PLXNA4: variants seen among roughly 807,000 people sequenced by gnomAD.
PLXNA4 encodes plexin-A4.
A neutral mutation model predicts 191.8 loss-of-function variants in PLXNA4; 44 were observed. That is an observed-to-expected ratio of 0.23 (90% confidence interval 0.18 to 0.29). The LOEUF (loss-of-function observed/expected upper bound fraction) is 0.29, where lower values mean the gene tolerates loss of function less well. PLXNA4 is among the 10% of genes least tolerant of loss of function. The pLI is 1.00. For missense variants in PLXNA4, 1,800 were observed against 2,488.8 expected, an observed-to-expected ratio of 0.72 and a Z score of 5.89; for synonymous variants, 1,082 against 1,009.5, an observed-to-expected ratio of 1.07 and a Z score of -1.36.
At chr7:132,580,909 G>A (rs1802390552), upstream of PLXNA4, among the ~76,000 whole-genome samples, 1 of 152,146 alleles carries the variant, frequency 6.6e-6, no homozygotes, top group Non-Finnish European at 1.5e-5. Flanking sequence ...CCACCTGCAG[G>A]ACAGCAGGAA....
chr7:132,239,027 G>A (rs910706181), intron 5 of PLXNA4, among the ~76,000 whole-genome samples: 2 of 152,196 alleles, frequency 1.3e-5, no homozygotes, highest in African/African-American at 4.8e-5. Flanking sequence ...GTCTGCACTT[G>A]GGGGCAGGCG....
At chr7:132,594,478 G>A (rs1802661897) in intron 2 of PLXNA4, among the ~76,000 whole-genome samples, 1 of 152,166 alleles carries the variant, frequency 6.6e-6, no homozygotes. Flanking sequence ...GCAATCCTAG[G>A]AAACTAATGG....
intron 2 of PLXNA4, among the ~76,000 whole-genome samples, chr7:132,490,081 G>A (rs1250509839): frequency 6.6e-6 from 1 of 152,224 alleles, no homozygotes; most frequent in Admixed American, 6.5e-5. Context: ...GAGCAATGGG[G>A]GAAGGAATGT....
Position 132,611,825 on chromosome 7 carries a change from A to G in PLXNA4, c.-87+34103T>C, listed in dbSNP as rs73724093. ...CAGCTAAAAAGAGATGCAGCTGCATATTATGAGCAACTAAAGTAACAGAAG... is the reference window on the plus strand; with the variant it reads ...CAGCTAAAAAGAGATGCAGCTGCATGTTATGAGCAACTAAAGTAACAGAAG... On this transcript the variant is annotated intron_variant, in intron 2 of 4. Transcript: ENST00000378539. Among the ~76,000 whole-genome samples the G allele has an allele frequency of 7.4e-3, 1,125 of 152,312 alleles. 15 individuals carry two copies. The highest frequency in any genetic ancestry group is 0.026 in the African/African-American group (1,084 of 41,572).
chr7:132,278,161 TCTATGAAC>T (rs1186894785), intron 4 of PLXNA4, among the ~76,000 whole-genome samples: 2 of 152,250 alleles, frequency 1.3e-5, no homozygotes, highest in Non-Finnish European at 2.9e-5. Context: ...TACAATCTGT[TCTATGAAC>T]ACATGTCAAG....
chr7:132,502,232 G>A (rs1198100290), intron 2 of PLXNA4, among the ~76,000 whole-genome samples: 2 of 152,172 alleles, frequency 1.3e-5, no homozygotes, highest in Admixed American at 1.3e-4. Flanking sequence ...AGTCCAAGGG[G>A]GTGACCCTGT....
At chr7:132,489,163 T>A in intron 3 of PLXNA4, 129 bp downstream of exon 3, 1 of 934,806 alleles carries the variant, frequency 1.1e-6, no homozygotes, top group Non-Finnish European at 1.6e-6. Context: ...AACAGCAGCG[T>A]ATCTCCTTAG....
intron 4 of PLXNA4, among the ~76,000 whole-genome samples, chr7:132,246,867 A>T (rs1799077509): frequency 6.6e-6 from 1 of 152,128 alleles, no homozygotes; most frequent in South Asian, 2.1e-4. Flanking sequence ...CCACAAATTT[A>T]CAAAACAATG....
intron 3 of PLXNA4, among the ~76,000 whole-genome samples, chr7:132,390,065 G>T (rs958282555): frequency 2.6e-5 from 4 of 152,132 alleles, no homozygotes; most frequent in Non-Finnish European, 5.9e-5. Context: ...TCCCATCACT[G>T]GGTATATACC....
At chr7:132,359,018 T>C (rs1040656047) in intron 3 of PLXNA4, among the ~76,000 whole-genome samples, 1 of 152,192 alleles carries the variant, frequency 6.6e-6, no homozygotes, top group Non-Finnish European at 1.5e-5. Context: ...ACCTGGGCTC[T>C]AGACCCAGAC....
chr7:132,644,204 G>A lies in PLXNA4; in HGVS notation c.-87+1724C>T, dbSNP rs141335233. On this transcript the variant is annotated intron_variant, in intron 2 of 4. Coordinates refer to the PLXNA4 transcript ENST00000378539. The stretch of plus-strand genomic sequence containing the variant: ...ATCTATGATTTTGTCTCCCTGGCAG[G>A]TGACTTAACCTCCTCTCATGGTACA... Among the ~76,000 whole-genome samples, 731 of 152,252 alleles carry A rather than the reference G, an allele frequency of 4.8e-3. 6 individuals are homozygous for A. Among genetic ancestry groups the A allele is most frequent in the African/African-American group, 0.017 (705 of 41,540 alleles).
chr7:132,532,918 C>A (rs1013027377), intron 1 of PLXNA4, among the ~76,000 whole-genome samples: 2 of 152,212 alleles, frequency 1.3e-5, no homozygotes, highest in Non-Finnish European at 2.9e-5. Flanking sequence ...TCCCTCTAGG[C>A]CTCAGTTTTC....
intron 3 of PLXNA4, among the ~76,000 whole-genome samples, chr7:132,349,058 G>T (rs1803371525): frequency 6.6e-6 from 1 of 152,160 alleles, no homozygotes; most frequent in Non-Finnish European, 1.5e-5. Context: ...GACACTGGTA[G>T]CCATCCAACG....
At chr7:132,351,255 T>C (rs1021488568) in intron 3 of PLXNA4, among the ~76,000 whole-genome samples, 1 of 152,236 alleles carries the variant, frequency 6.6e-6, no homozygotes, top group Non-Finnish European at 1.5e-5. Context: ...AGCTACTGAA[T>C]TGCAAAAGCC....
chr7:132,342,625 T>C (rs1160059047), intron 3 of PLXNA4, among the ~76,000 whole-genome samples: 1 of 152,088 alleles, frequency 6.6e-6, no homozygotes, highest in Non-Finnish European at 1.5e-5. Flanking sequence ...TAAGACTCCC[T>C]GGGCCACTAT....
chr7:132,513,464 A>T (rs1290717795), intron 1 of PLXNA4, among the ~76,000 whole-genome samples: 3 of 152,214 alleles, frequency 2.0e-5, no homozygotes, highest in Non-Finnish European at 4.4e-5. Context: ...CACGTTGGGC[A>T]TTGGAGAGCT....
intron 4 of PLXNA4, among the ~76,000 whole-genome samples, chr7:132,281,651 C>T (rs1171640722): frequency 6.6e-6 from 1 of 152,162 alleles, no homozygotes; most frequent in African/African-American, 2.4e-5. Context: ...AAAGTACTTA[C>T]TTTCTTACCC....
chr7:132,540,674 G>C (rs1030159947), intron 1 of PLXNA4, among the ~76,000 whole-genome samples: 3 of 136,022 alleles, frequency 2.2e-5, no homozygotes, highest in Admixed American at 8.3e-5. Context: ...TGCAAGCTCC[G>C]CTTCCCGGGT....
intron 3 of PLXNA4, among the ~76,000 whole-genome samples, chr7:132,329,562 TG>T (rs1309528432): frequency 2.0e-5 from 3 of 152,218 alleles, no homozygotes; most frequent in Non-Finnish European, 4.4e-5. Context: ...CTGCACTGCC[TG>T]AGAGCTGGCA....
Sources: gnomAD v4.1 joint callset for allele counts (sites outside exome capture counted in the v4.1 genomes callset) on GRCh38, gnomAD v4.1.1 for gene constraint, MANE v1.5 for transcripts, NCBI Gene and HGNC (gene_info 2026-07-23, HGNC 2026-07-21) for gene names.